DOCK2: variants seen among roughly 807,000 people sequenced by gnomAD.
The protein encoded by DOCK2 is dedicator of cytokinesis protein 2.
DOCK2 carries 87 observed loss-of-function variants against 248.9 expected under a neutral mutation model. The observed-to-expected ratio is 0.35, with a 90% CI of 0.29 to 0.42. The LOEUF is 0.42. DOCK2 is among the 10% of genes least tolerant of loss of function. The pLI, the probability that DOCK2 is intolerant of heterozygous loss-of-function variation, is 1.00. For missense variants in DOCK2, 1,747 were observed against 2,300.2 expected (o/e 0.76, Z 4.92); for synonymous variants, 805 against 821.6 (o/e 0.98, Z 0.35).
At chr5:169,939,070 ATT>A (rs199836739) in intron 27 of DOCK2, among the ~76,000 whole-genome samples, 3 of 151,554 alleles carry the variant, frequency 2.0e-5, no homozygotes, top group Non-Finnish European at 2.9e-5. Context: ...CGCCCTGCTA[ATT>A]TTTTTGTATT....
At chr5:169,802,435 T>G (rs961394720) in intron 25 of DOCK2, among the ~76,000 whole-genome samples, 1 of 152,224 alleles carries the variant, frequency 6.6e-6, no homozygotes, top group African/African-American at 2.4e-5. Context: ...TTGTACTGTC[T>G]GTACCAGAGA....
chr5:170,066,061 C>T (rs1432544059), intron 44 of DOCK2, among the ~76,000 whole-genome samples: 1 of 150,224 alleles, frequency 6.7e-6, no homozygotes, highest in African/African-American at 2.5e-5. Flanking sequence ...ATGCCATTCT[C>T]CTGTCTCAGC....
chr5:170,023,219 A>G (rs1460832012), intron 33 of DOCK2, among the ~76,000 whole-genome samples: 1 of 152,114 alleles, frequency 6.6e-6, no homozygotes, highest in Non-Finnish European at 1.5e-5. Context: ...TCTCTCAGAG[A>G]AAGAAGAGGG....
At chr5:169,876,151 C>G (rs142580397) in intron 27 of DOCK2, among the ~76,000 whole-genome samples, 231 of 152,318 alleles carry the variant, frequency 1.5e-3, no homozygotes, top group Admixed American at 0.013. Context: ...GACTCTGATC[C>G]TCTGGCCTCC....
At chr5:169,842,312 TCTTA>T (rs2113340708) in intron 27 of DOCK2, among the ~76,000 whole-genome samples, 1 of 152,252 alleles carries the variant, frequency 6.6e-6, no homozygotes, top group East Asian at 1.9e-4. Context: ...TTGTCATTTG[TCTTA>T]CTTACCATCC....
At chr5:169,992,860 A>T (rs1363372827) in intron 29 of DOCK2, among the ~76,000 whole-genome samples, 1 of 152,174 alleles carries the variant, frequency 6.6e-6, no homozygotes, top group Non-Finnish European at 1.5e-5. Flanking sequence ...TGATATTCTG[A>T]TTTCCAGTGT....
chr5:169,830,750 G>C (rs1769171953), intron 26 of DOCK2, among the ~76,000 whole-genome samples: 1 of 152,200 alleles, frequency 6.6e-6, no homozygotes, highest in Admixed American at 6.5e-5. Flanking sequence ...TTTCATAGTT[G>C]TGCCTTTTAA....
At chr5:170,059,848 C>T (rs1249768077) in intron 44 of DOCK2, among the ~76,000 whole-genome samples, 2 of 152,162 alleles carry the variant, frequency 1.3e-5, no homozygotes, top group Non-Finnish European at 2.9e-5. Context: ...AGATTTTTGG[C>T]TTGTTTCTTT....
At chr5:170,008,809 A>G in intron 32 of DOCK2, 63 bp downstream of exon 32, 2 of 1,598,286 alleles carry the variant, frequency 1.3e-6, no homozygotes, top group Non-Finnish European at 1.7e-6. Flanking sequence ...CTTAAAGACC[A>G]TCTGTTGGAG....
chr5:169,907,960 A>AT (rs1229903816), intron 27 of DOCK2, among the ~76,000 whole-genome samples: 1 of 152,166 alleles, frequency 6.6e-6, no homozygotes, highest in African/African-American at 2.4e-5. Context: ...AACATTTTGC[A>AT]TTTTGTACAA....
Position 169,684,223 on chromosome 5 carries a change from T to C in DOCK2, c.634T>C (p.Tyr212His). 1 of 1,614,200 alleles carries C rather than the reference T, an allele frequency of 6.2e-7. No homozygotes were observed. The highest frequency in any genetic ancestry group is 8.5e-7 in the Non-Finnish European group (1 of 1,180,012). ...MSKDQPDYAMYSRISSSPTHS... is the reference protein window; with the variant it reads ...MSKDQPDYAMHSRISSSPTHS... ...AAAAGACCAGCCAGATTATGCAATGTATTCCCGGATCTCCTCATCCCCCAC... is the reference window on the plus strand; with the variant it reads ...AAAAGACCAGCCAGATTATGCAATGCATTCCCGGATCTCCTCATCCCCCAC... Residue 212 changes from tyrosine to histidine, a missense_variant, in exon 8 of 52, where the codon TAT (tyrosine) becomes CAT (histidine). Tyr to His is a moderately conservative substitution (Grantham distance 83). This residue lies in a region of DOCK2 where 375 missense variants were observed against 510.9 expected (regional missense o/e 0.73). Transcript: ENST00000520908.
intron 33 of DOCK2, 100 bp from the exon 34 acceptor site, chr5:170,027,763 A>T (rs1755970822): frequency 9.1e-7 from 1 of 1,098,484 alleles, no homozygotes; most frequent in East Asian, 2.5e-5. Context: ...CCTGGGAGAT[A>T]AAGAGTGCTC....
At chr5:170,019,515 G>A (rs1755650223) in intron 33 of DOCK2, among the ~76,000 whole-genome samples, 1 of 152,116 alleles carries the variant, frequency 6.6e-6, no homozygotes, top group South Asian at 2.1e-4. Flanking sequence ...CGGCCCTGCT[G>A]GGTGTCACAC....
At chr5:169,775,033 G>T (rs112906536) in intron 25 of DOCK2, among the ~76,000 whole-genome samples, 1 of 151,898 alleles carries the variant, frequency 6.6e-6, no homozygotes, top group Non-Finnish European at 1.5e-5. Flanking sequence ...CTCAGCCCCC[G>T]GAGTAGCTGG....
intron 38 of DOCK2, among the ~76,000 whole-genome samples, chr5:170,044,083 C>A (rs1198317169): frequency 6.6e-6 from 1 of 152,218 alleles, no homozygotes; most frequent in Non-Finnish European, 1.5e-5. Flanking sequence ...GAAGCCCAAA[C>A]TCCTCAGTGC....
intron 26 of DOCK2, among the ~76,000 whole-genome samples, chr5:169,818,917 C>T (rs1159765414): frequency 6.6e-6 from 1 of 152,114 alleles, no homozygotes. Context: ...TCTTATGTTT[C>T]ATCTTAATTA....
intron 27 of DOCK2, among the ~76,000 whole-genome samples, chr5:169,945,296 C>G (rs1776401454): frequency 6.6e-6 from 1 of 152,224 alleles, no homozygotes; most frequent in South Asian, 2.1e-4. Context: ...CAGGCATATA[C>G]CGAGTGGTAG....
At chr5:170,061,398 A>G (rs988758282) in intron 44 of DOCK2, among the ~76,000 whole-genome samples, 1 of 152,198 alleles carries the variant, frequency 6.6e-6, no homozygotes, top group African/African-American at 2.4e-5. Context: ...GGGATAAGTG[A>G]CTTAACATAT....
At chr5:169,929,475 G>A (rs1775636871) in intron 27 of DOCK2, among the ~76,000 whole-genome samples, 1 of 152,106 alleles carries the variant, frequency 6.6e-6, no homozygotes, top group Non-Finnish European at 1.5e-5. Context: ...GGTGGCTTAT[G>A]CCTGTCATCC....
Sources: gnomAD v4.1 joint callset for allele counts (sites outside exome capture counted in the v4.1 genomes callset) on GRCh38, gnomAD v4.1.1 for gene constraint, gnomAD v4.1.1 regional missense constraint, MANE v1.5 for transcripts, NCBI Gene and HGNC (gene_info 2026-07-23, HGNC 2026-07-21) for gene names.